RELCH: variants seen among roughly 807,000 people sequenced by gnomAD.
RELCH encodes the protein RAB11-binding protein RELCH.
Under a neutral mutation model 150.3 loss-of-function variants are expected in RELCH, and 41 were observed. The ratio of observed to expected loss-of-function variants is 0.27; its 90% CI spans 0.21 to 0.35. RELCH has a LOEUF of 0.35. Ranked by LOEUF, RELCH falls within the 10% of genes least tolerant of loss-of-function variation. The pLI is 1.00. For synonymous variants in RELCH, 478 were observed against 531.8 expected (o/e 0.90, Z 1.39); for missense variants, 1,092 against 1,467.8 (o/e 0.74, Z 4.18).
At chr18:62,282,528 A>C (rs1600226751) in intron 25 of RELCH, 84 bp downstream of exon 25, 1 of 1,397,474 alleles carries the variant, frequency 7.2e-7, no homozygotes, top group African/African-American at 1.5e-5. Flanking sequence ...TCATGTATTA[A>C]AATTTTGGTG....
Position 62,252,834 on chromosome 18 carries a change from G to A in RELCH, c.1824+80G>A, listed in dbSNP as rs556698576. On this transcript the variant is annotated intron_variant, in intron 12 of 28. Transcript: ENST00000644646. ...GATACATAGTTTCCTTTTTAAAGGC[G>A]TTTAAGAAATATGTGGGATATAAAT... 163 of 1,006,234 alleles carry A rather than the reference G, an allele frequency of 1.6e-4. 1 individual carries two copies. The East Asian group carries it at 3.1e-3, about 19-fold the overall frequency. The allele number at this position is 1,006,234 out of a possible 1,614,324, so 62.3% of individuals were successfully genotyped here.
intron 1 of RELCH, among the ~76,000 whole-genome samples, chr18:62,201,404 T>C (rs74819223): frequency 6.6e-6 from 1 of 151,528 alleles, no homozygotes; most frequent in Non-Finnish European, 1.5e-5. Context: ...TCATGACAGA[T>C]TTTTTTAAGC....
intron 23 of RELCH, 191 bp from the exon 24 acceptor site, chr18:62,280,454 AG>A: frequency 1.2e-6 from 2 of 1,610,120 alleles, no homozygotes; most frequent in Non-Finnish European, 1.7e-6. Flanking sequence ...TGAGTTTCAC[AG>A]ACTGCGACCT....
rs2045915515 is a variant in RELCH, at chr18:62,307,554, GGTTTT to G, written c.*2026_*2030del. On this transcript the variant is annotated 3_prime_UTR_variant, in exon 29 of 29. Transcript: ENST00000644646. ...TAATATCATTAAGATTTCACATTGT[GGTTTT>G]GTTTTTTGTTTGTTTGTTTGTTTTT... is the stretch of plus-strand genomic sequence containing the variant. 6.6e-6 allele frequency: 1 copy of G among 151,818 alleles called. No homozygotes were observed. Among genetic ancestry groups the G allele is most frequent in the Admixed American group, 6.6e-5 (1 of 15,248 alleles). 9.4% of individuals were successfully genotyped at this position (151,818 alleles called of 1,614,324 possible).
rs747286196 is a variant in RELCH at position 62,305,486 on chromosome 18, GACA to G, written c.3607_3609del (p.Thr1203del). The stretch of plus-strand genomic sequence containing the variant: ...AGTTTTTGAACAAAATGGGCCAGTT[GACA>G]ACATCAGGTGCCATGTTGGCCAATG... On this transcript the variant is annotated inframe_deletion, in exon 29 of 29. Transcript: ENST00000644646. This position sits in a 1 kb window ranked among gnomAD's most constrained non-coding sequence, Gnocchi z 4.0. The G allele has an allele frequency of 6.2e-7, 1 of 1,611,870 alleles. No individual in the cohort carries two copies.
At chr18:62,200,964 CTTTTTTTTTTT>C (rs543882947) in intron 1 of RELCH, among the ~76,000 whole-genome samples, 1 of 54,988 alleles carries the variant, frequency 1.8e-5, no homozygotes, top group African/African-American at 7.9e-5. Context: ...TTTTTCTTTG[CTTTTTTTTTTT>C]TTTTTTTTTT....
At chr18:62,291,443 A>G (rs1174226295) in intron 26 of RELCH, 100 bp from the exon 27 acceptor site, 2 of 605,138 alleles carry the variant, frequency 3.3e-6, no homozygotes, top group African/African-American at 1.9e-5. Context: ...TGCCATAGGT[A>G]TGATATAAGA....
chr18:62,238,828 A>T (rs553714545), intron 10 of RELCH, among the ~76,000 whole-genome samples: 160 of 152,268 alleles, frequency 1.1e-3, no homozygotes, highest in Non-Finnish European at 1.4e-3. Context: ...ATCTCAATAA[A>T]ACCGTCATTA....
intron 19 of RELCH, among the ~76,000 whole-genome samples, chr18:62,267,025 C>T (rs1025679561): frequency 6.6e-6 from 1 of 151,786 alleles, no homozygotes; most frequent in African/African-American, 2.4e-5. Context: ...GGGTACTCAA[C>T]CTTTAGAGGT....
intron 10 of RELCH, among the ~76,000 whole-genome samples, chr18:62,243,564 C>G (rs2042255052): frequency 6.6e-6 from 1 of 152,028 alleles, no homozygotes; most frequent in South Asian, 2.1e-4. Context: ...TTTGTACCTT[C>G]AAATTTAAGA....
intron 6 of RELCH, 40 bp from the exon 7 acceptor site, chr18:62,227,558 G>A: frequency 6.5e-7 from 1 of 1,529,236 alleles, no homozygotes; most frequent in Non-Finnish European, 9.0e-7. Context: ...AGCGTACAGT[G>A]AGATCTTGAG....
chr18:62,284,143 G>C (rs894038021), intron 25 of RELCH: 1 of 152,096 alleles, frequency 6.6e-6, no homozygotes, highest in African/African-American at 2.4e-5. Context: ...TGGGACTATA[G>C]TTATTTTTCA....
rs766286179 is a variant in RELCH at position 62,252,717 on chromosome 18, G to T, written c.1787G>T (p.Arg596Leu). The change falls in exon 12 of 29, where the codon CGT (arginine) becomes CTT (leucine). Residue 596 changes from arginine (R) to leucine (L), a missense_variant. Physicochemically the swap from Arg to Leu is moderately radical, Grantham distance 102. This residue lies in a region of RELCH where 707 missense variants were observed against 1,025.4 expected (regional missense o/e 0.69). Transcript: ENST00000644646. ...VAFARHVGPT[R>L]VEAELLPQCW... ...TTTGCGCGTCATGTTGGACCAACAC[G>T]TGTAGAAGCTGAACTTTTACCACAG... 6.2e-7 allele frequency: 1 copy of T among 1,613,916 alleles called. No individual in the cohort carries two copies. Among genetic ancestry groups the T allele is most frequent in the East Asian group, 2.2e-5 (1 of 44,838 alleles).
intron 16 of RELCH, among the ~76,000 whole-genome samples, chr18:62,263,112 A>G (rs924704322): frequency 1.3e-5 from 2 of 152,038 alleles, no homozygotes; most frequent in East Asian, 3.9e-4. Context: ...GTATGATTTC[A>G]TCTTGTCTAA....
At chr18:62,199,274 A>T (rs1164533823) in intron 1 of RELCH, among the ~76,000 whole-genome samples, 1 of 151,956 alleles carries the variant, frequency 6.6e-6, no homozygotes, top group East Asian at 1.9e-4. Flanking sequence ...TGGCTGTTCC[A>T]CTTATGGAAA....
At chr18:62,240,414 C>T (rs66507615) in intron 10 of RELCH, among the ~76,000 whole-genome samples, 58,204 of 140,174 alleles carry the variant, frequency 0.42, 12,095 homozygotes, top group Middle Eastern at 0.57. Context: ...TTTTCTTTTT[C>T]TTTTTTTTTT....
At position 62,194,201 on chromosome 18, in the gene RELCH, TA is replaced by T. The variant is rs1416506576; in HGVS notation, c.526+6171del. On this transcript the variant is annotated intron_variant, in intron 1 of 28. Coordinates refer to ENST00000644646, the MANE Select transcript of RELCH (RefSeq NM_001346231.2). ...TGGCCAAGGCTGCAGTGAGCCATGA[TA>T]CCACTGCACTCCAGCCTGGGAGAAA... Among the ~76,000 whole-genome samples the T allele has an allele frequency of 2.0e-5, 3 of 152,156 alleles. No homozygotes were observed. The East Asian group carries it at 5.8e-4, about 29-fold the overall frequency.
chr18:62,204,203 A>G (rs1351068033), intron 1 of RELCH, among the ~76,000 whole-genome samples: 1 of 152,134 alleles, frequency 6.6e-6, no homozygotes, highest in Admixed American at 6.5e-5. Flanking sequence ...TACTTTTTTA[A>G]TAATTCGAAG....
intron 11 of RELCH, 94 bp from the exon 12 acceptor site, chr18:62,252,570 C>T: frequency 3.6e-6 from 3 of 832,588 alleles, no homozygotes. Flanking sequence ...ATCTTGTACT[C>T]TATGTGAATT....
Sources: gnomAD v4.1 joint callset for allele counts (sites outside exome capture counted in the v4.1 genomes callset) on GRCh38, gnomAD v4.1.1 for gene constraint, gnomAD v4.1.1 regional missense constraint, Gnocchi (gnomAD v3.1) non-coding constraint, MANE v1.5 for transcripts, NCBI Gene and HGNC (gene_info 2026-07-23, HGNC 2026-07-21) for gene names.